VAV3: variants seen among roughly 807,000 people sequenced by gnomAD.
The protein encoded by VAV3 is guanine nucleotide exchange factor VAV3.
VAV3 carries 94 observed loss-of-function variants against 131.2 expected under a neutral mutation model. That is an observed-to-expected ratio of 0.72 (90% CI 0.61 to 0.85). The LOEUF (loss-of-function observed/expected upper bound fraction) is 0.85, where lower values mean the gene tolerates loss of function less well. VAV3 is among the 40% of genes least tolerant of loss of function. The probability of loss-of-function intolerance (pLI) is 0.00; values close to 1 mark genes in which losing one functional copy is unlikely to be tolerated. For synonymous variants in VAV3, 349 were observed against 342.0 expected, an observed-to-expected ratio of 1.02 and a Z score of -0.22; for missense variants, 939 against 1,002.7, an observed-to-expected ratio of 0.94 and a Z score of 0.86.
chr1:107,750,127 G>A (rs1254527070), intron 13 of VAV3, among the ~76,000 whole-genome samples: 1 of 152,116 alleles, frequency 6.6e-6, no homozygotes, highest in Non-Finnish European at 1.5e-5. Flanking sequence ...AGAGAAGTTA[G>A]ATAATTTGCT....
chr1:107,678,458 C>A (rs918891455), intron 19 of VAV3, among the ~76,000 whole-genome samples: 1 of 151,900 alleles, frequency 6.6e-6, no homozygotes, highest in Admixed American at 6.6e-5. Flanking sequence ...CATTTGTCTC[C>A]CTCATAAAAA....
intron 1 of VAV3, among the ~76,000 whole-genome samples, chr1:107,910,270 A>C (rs1237194390): frequency 6.6e-6 from 1 of 152,246 alleles, no homozygotes; most frequent in Admixed American, 6.5e-5. Flanking sequence ...TAAAAGCAAA[A>C]ATAAACATCT....
At chr1:107,800,595 ATGATGC>A (rs2102300658) in intron 2 of VAV3, among the ~76,000 whole-genome samples, 1 of 152,280 alleles carries the variant, frequency 6.6e-6, no homozygotes, top group Non-Finnish European at 1.5e-5. Flanking sequence ...GGAATATTGC[ATGATGC>A]TGAGGTTTGG....
chr1:107,617,495 A>G, intron 21 of VAV3, 72 bp downstream of exon 21: 1 of 1,366,502 alleles, frequency 7.3e-7, no homozygotes, highest in Non-Finnish European at 1.0e-6. Context: ...TATCCTTTGT[A>G]GATTTTTGCA....
rs541911444 is a variant in VAV3, at chr1:107,896,255, C to G, written c.205-21238G>C. On this transcript the variant is annotated intron_variant, in intron 1 of 26. Transcript: ENST00000370056. ...AAAAGAAATCAATTGATAAAGCTCT[C>G]CACTTAGAGACACAGACTTACTTTG... 1.2e-3 allele frequency among the ~76,000 whole-genome samples: 183 copies of G among 152,310 alleles called. 2 individuals carry two copies. Among genetic ancestry groups the G allele is most frequent in the Non-Finnish European group, 1.9e-3 (128 of 68,018 alleles).
At chr1:107,844,680 G>A (rs1219200402) in intron 2 of VAV3, among the ~76,000 whole-genome samples, 1 of 152,130 alleles carries the variant, frequency 6.6e-6, no homozygotes, top group Non-Finnish European at 1.5e-5. Context: ...TATAAACAAA[G>A]CCTCCAGGAA....
intron 18 of VAV3, chr1:107,686,095 G>A (rs1659011837): frequency 6.6e-6 from 1 of 151,430 alleles, no homozygotes; most frequent in Non-Finnish European, 1.5e-5. Flanking sequence ...GTTATTTCTT[G>A]CCTCATTACC....
At chr1:107,616,639 C>T (rs192467704) in intron 21 of VAV3, among the ~76,000 whole-genome samples, 32 of 152,248 alleles carry the variant, frequency 2.1e-4, no homozygotes, top group Admixed American at 6.5e-4. Context: ...GAGTAACAGA[C>T]GCTTTTCTAT....
chr1:107,833,838 C>A (rs1409169700), intron 2 of VAV3, among the ~76,000 whole-genome samples: 1 of 152,126 alleles, frequency 6.6e-6, no homozygotes, highest in Non-Finnish European at 1.5e-5. Context: ...TTACATGAAT[C>A]GTAATTAATA....
At chr1:107,878,093 C>A (rs565943661) in intron 1 of VAV3, among the ~76,000 whole-genome samples, 2 of 152,270 alleles carry the variant, frequency 1.3e-5, no homozygotes, top group East Asian at 3.9e-4. Context: ...AACATTCCAT[C>A]TACATGCAAC....
intron 9 of VAV3, among the ~76,000 whole-genome samples, chr1:107,762,705 C>G (rs1664509643): frequency 6.6e-6 from 1 of 152,016 alleles, no homozygotes; most frequent in South Asian, 2.1e-4. Context: ...AAATTAGTTT[C>G]AAAATGTTGA....
Position 107,644,493 on chromosome 1 carries a change from T to A in VAV3, c.1778-1738A>T, listed in dbSNP as rs150892112. Among the ~76,000 whole-genome samples the A allele has an allele frequency of 9.2e-5, 14 of 152,244 alleles. No individual in the cohort carries two copies. In the East Asian group the frequency reaches 1.5e-3, roughly 17 times the overall value. ...TATAGGCGGAAGTCAAGAAAGAAGA[T>A]CTTTTAAACCTCAAAGAGCTGATGT... On this transcript the variant is annotated intron_variant, in intron 19 of 26. Transcript: ENST00000370056.
intron 20 of VAV3, among the ~76,000 whole-genome samples, chr1:107,621,689 G>A (rs1653620354): frequency 6.6e-6 from 1 of 152,036 alleles, no homozygotes; most frequent in Admixed American, 6.6e-5. Flanking sequence ...TAATCAGCTT[G>A]TCATCCCTTT....
chr1:107,943,678 G>T (rs1465443031), intron 1 of VAV3, among the ~76,000 whole-genome samples: 1 of 152,206 alleles, frequency 6.6e-6, no homozygotes, highest in Non-Finnish European at 1.5e-5. Flanking sequence ...GGAGGCAGAG[G>T]TTGCAGTGAG....
chr1:107,588,027 A>C (rs938315943), intron 25 of VAV3, among the ~76,000 whole-genome samples: 1 of 152,332 alleles, frequency 6.6e-6, no homozygotes, highest in Non-Finnish European at 1.5e-5. Context: ...ATAGCACTGA[A>C]TGAGGTTATC....
intron 1 of VAV3, among the ~76,000 whole-genome samples, chr1:107,921,333 C>G (rs1001013997): frequency 1.3e-5 from 2 of 152,222 alleles, no homozygotes; most frequent in African/African-American, 4.8e-5. Context: ...TAGTGAAACA[C>G]ACTGCATAAT....
At chr1:107,907,551 C>A (rs940157373) in intron 1 of VAV3, among the ~76,000 whole-genome samples, 1 of 152,152 alleles carries the variant, frequency 6.6e-6, no homozygotes, top group African/African-American at 2.4e-5. Flanking sequence ...GTCATGAATG[C>A]TTTGCCTTCA....
intron 2 of VAV3, among the ~76,000 whole-genome samples, chr1:107,835,596 T>A: frequency 6.6e-6 from 1 of 152,086 alleles, no homozygotes; most frequent in Admixed American, 6.5e-5. Context: ...AACAGCCCAA[T>A]GATCTGGGCA....
chr1:107,778,816 G>T (rs2102222181), intron 3 of VAV3, among the ~76,000 whole-genome samples: 1 of 152,190 alleles, frequency 6.6e-6, no homozygotes, highest in East Asian at 1.9e-4. Context: ...ATACATCTTT[G>T]CTGACTGATC....
Sources: allele counts gnomAD v4.1 joint callset (sites outside exome capture counted in the v4.1 genomes callset), GRCh38; gene constraint gnomAD v4.1.1; transcripts MANE v1.5; gene names NCBI Gene and HGNC (gene_info 2026-07-23, HGNC 2026-07-21).